The following NCK1 variants were observed in gnomAD, a reference collection of about 807,000 sequenced individuals.
NCK1 encodes the protein NCK adaptor protein 1.
NCK1 carries 19 observed loss-of-function variants against 36.6 expected under a neutral mutation model. That is an observed-to-expected ratio of 0.52 (90% CI 0.36 to 0.76). NCK1 has a LOEUF of 0.76. Ranked by LOEUF, NCK1 falls within the 30% of genes least tolerant of loss-of-function variation. The pLI is 0.00. For missense variants in NCK1, 358 were observed against 445.6 expected (o/e 0.80, Z 1.77); for synonymous variants, 165 against 156.0 (o/e 1.06, Z -0.43).
At chr3:136,945,527 CT>C (rs1235434247) in intron 2 of NCK1, 55 bp from the exon 3 acceptor site, 2 of 1,268,886 alleles carry the variant, frequency 1.6e-6, no homozygotes, top group Non-Finnish European at 2.2e-6. Flanking sequence ...TAAGTTCATT[CT>C]TTTGGTAATC....
intron 1 of NCK1, chr3:136,899,496 A>C: frequency 7.3e-6 from 3 of 412,626 alleles, no homozygotes; most frequent in Non-Finnish European, 1.4e-5. Context: ...ACTCTCACCA[A>C]AATCAGAATC....
intron 1 of NCK1, among the ~76,000 whole-genome samples, chr3:136,865,388 A>G (rs1938385431): frequency 1.3e-5 from 2 of 152,280 alleles, no homozygotes; most frequent in South Asian, 4.1e-4. Flanking sequence ...GCTGGCCTAT[A>G]TTCATTTTTC....
chr3:136,930,100 A>T (rs1940353318), intron 2 of NCK1, among the ~76,000 whole-genome samples: 1 of 152,184 alleles, frequency 6.6e-6, no homozygotes, highest in African/African-American at 2.4e-5. Context: ...TCCAGCTTTT[A>T]CATTAGATAA....
At chr3:136,867,417 T>TTTC (rs1938483385) in intron 1 of NCK1, 1 of 141,546 alleles carries the variant, frequency 7.1e-6, no homozygotes, top group Non-Finnish European at 1.5e-5. Flanking sequence ...TTTTTTTTTT[T>TTTC]TTTTTTTTTG....
chr3:136,937,158 C>T (rs1441218355), intron 2 of NCK1, among the ~76,000 whole-genome samples: 1 of 152,134 alleles, frequency 6.6e-6, no homozygotes, highest in Non-Finnish European at 1.5e-5. Context: ...AGTTGGAGTC[C>T]AGTTTCATTC....
intron 1 of NCK1, among the ~76,000 whole-genome samples, chr3:136,886,253 T>C (rs1274679896): frequency 6.6e-6 from 1 of 152,282 alleles, no homozygotes; most frequent in East Asian, 1.9e-4. Context: ...ATCCTTTTTT[T>C]TTTCTTTTGC....
intron 1 of NCK1, among the ~76,000 whole-genome samples, chr3:136,885,548 G>A (rs1480196941): frequency 1.3e-5 from 2 of 152,094 alleles, no homozygotes; most frequent in Admixed American, 6.6e-5. Flanking sequence ...CAAGTGATTC[G>A]TCTACCTTGG....
At chr3:136,929,491 A>G (rs1576984196) in intron 2 of NCK1, among the ~76,000 whole-genome samples, 1 of 152,334 alleles carries the variant, frequency 6.6e-6, no homozygotes, top group Non-Finnish European at 1.5e-5. Flanking sequence ...TTTTGTGATT[A>G]AGACCATTAT....
intron 1 of NCK1, among the ~76,000 whole-genome samples, chr3:136,873,111 C>T (rs1483914088): frequency 6.6e-6 from 1 of 152,156 alleles, no homozygotes. Flanking sequence ...GATCCACTGA[C>T]AGCTTGCACC....
At position 136,928,180 on chromosome 3, in the gene NCK1, A is replaced by C. The variant is rs1402063791; in HGVS notation, c.179A>C (p.Asn60Thr). Residue 60 changes from asparagine (N) to threonine (T), a missense_variant, in exon 2 of 4, where the codon AAC becomes ACC. This residue lies in a region of NCK1 where 143 missense variants were observed against 162.4 expected (regional missense o/e 0.88). Transcript: ENST00000481752. ...CCTTCTAACTATGTGGAAAGGAAAA[A>C]CAGTGCTCGGAAAGCATCTATTGTG... ...FVPSNYVERK[N>T]SARKASIVKN... 1 of 1,614,214 alleles carries C rather than the reference A, an allele frequency of 6.2e-7. No homozygotes were observed. The highest frequency in any genetic ancestry group is 2.2e-5 in the East Asian group (1 of 44,874).
chr3:136,898,916 C>T (rs911331637), intron 1 of NCK1, among the ~76,000 whole-genome samples: 2 of 152,190 alleles, frequency 1.3e-5, no homozygotes, highest in Non-Finnish European at 2.9e-5. Flanking sequence ...TTACAGAGAA[C>T]ATAATCATAA....
At chr3:136,875,701 A>G (rs1455615534) in intron 1 of NCK1, among the ~76,000 whole-genome samples, 2 of 149,956 alleles carry the variant, frequency 1.3e-5, no homozygotes, top group African/African-American at 4.9e-5. Flanking sequence ...CACATTAATA[A>G]TGGGAGACTT....
intron 1 of NCK1, among the ~76,000 whole-genome samples, chr3:136,927,025 G>A (rs1020194308): frequency 6.6e-6 from 1 of 152,172 alleles, no homozygotes; most frequent in Admixed American, 6.5e-5. Context: ...GGCCTGGAGT[G>A]CAGTGGCACG....
At chr3:136,872,040 CAGTAG>C (rs573299787) in intron 1 of NCK1, among the ~76,000 whole-genome samples, 58 of 152,176 alleles carry the variant, frequency 3.8e-4, no homozygotes, top group African/African-American at 1.3e-3. Context: ...AAATTGGTAC[CAGTAG>C]AGTAGAGTGC....
intron 1 of NCK1, among the ~76,000 whole-genome samples, chr3:136,891,095 C>A (rs1463907744): frequency 6.6e-6 from 1 of 152,224 alleles, no homozygotes; most frequent in East Asian, 1.9e-4. Flanking sequence ...TGGTACTGTT[C>A]CGTTGAATCT....
At chr3:136,876,053 A>G (rs1216981921) in intron 1 of NCK1, among the ~76,000 whole-genome samples, 1 of 151,662 alleles carries the variant, frequency 6.6e-6, no homozygotes, top group Non-Finnish European at 1.5e-5. Flanking sequence ...CTGAATGACT[A>G]CTGGGTACAT....
rs537562640 is a variant in NCK1 at position 136,885,510 on chromosome 3, G to A, written c.-19+23157G>A. On this transcript the variant is annotated intron_variant, in intron 1 of 3. Transcript: ENST00000481752. ...TGTAGAGACAGGATTTTGCCATGTT[G>A]CCCAGGCTGGCCTCCAACTCCTGGG... Among the ~76,000 whole-genome samples, 5 of 152,184 alleles carry A rather than the reference G, an allele frequency of 3.3e-5. No individual in the cohort carries two copies. The South Asian group carries it at 8.3e-4, about 25-fold the overall frequency.
chr3:136,933,501 G>T (rs188885400), intron 2 of NCK1, among the ~76,000 whole-genome samples: 297 of 152,214 alleles, frequency 2.0e-3, no homozygotes, highest in Non-Finnish European at 3.7e-3. Context: ...AAGAAACAGT[G>T]CTATAGGAAA....
intron 2 of NCK1, among the ~76,000 whole-genome samples, chr3:136,935,158 C>T (rs1014320211): frequency 3.3e-5 from 5 of 152,176 alleles, no homozygotes; most frequent in Non-Finnish European, 5.9e-5. Context: ...GCCTCGGCCT[C>T]CCAAAATGCT....
Sources: gnomAD v4.1 joint callset for allele counts (sites outside exome capture counted in the v4.1 genomes callset) on GRCh38, gnomAD v4.1.1 for gene constraint, gnomAD v4.1.1 regional missense constraint, MANE v1.5 for transcripts, NCBI Gene and HGNC (gene_info 2026-07-23, HGNC 2026-07-21) for gene names.